SYN2: variants seen among roughly 807,000 people sequenced by gnomAD.
SYN2 encodes synapsin-2.
A neutral mutation model predicts 50.9 loss-of-function variants in SYN2; 19 were observed. The observed-to-expected ratio is 0.37, with a 90% CI of 0.26 to 0.55. SYN2 has a LOEUF of 0.55. SYN2 is among the 20% of genes least tolerant of loss of function. SYN2 has a pLI of 0.81. For missense variants in SYN2, 587 were observed against 576.4 expected (o/e 1.02, Z -0.19); for synonymous variants, 255 against 224.9 (o/e 1.13, Z -1.20).
chr3:12,027,842 G>C (rs1694294091), intron 1 of SYN2, among the ~76,000 whole-genome samples: 1 of 152,026 alleles, frequency 6.6e-6, no homozygotes, highest in Non-Finnish European at 1.5e-5. Context: ...AAAAAGTTTA[G>C]AGGGAGGACC....
intron 1 of SYN2, among the ~76,000 whole-genome samples, chr3:12,140,104 G>A (rs1171784367): frequency 6.6e-6 from 1 of 152,100 alleles, no homozygotes; most frequent in African/African-American, 2.4e-5. Flanking sequence ...TTCTATTTTG[G>A]TCTAATTAAT....
At chr3:12,171,352 C>T (rs1697931323) in intron 10 of SYN2, among the ~76,000 whole-genome samples, 1 of 152,092 alleles carries the variant, frequency 6.6e-6, no homozygotes, top group African/African-American at 2.4e-5. Context: ...CCTAGTTCTG[C>T]CTTTTAGTCC....
chr3:12,151,283 T>A lies in SYN2; in HGVS notation c.731T>A (p.Phe244Tyr). The change falls in exon 5 of 13, where the codon TTC becomes TAC. Residue 244 changes from phenylalanine to tyrosine, a missense_variant. Phe to Tyr is a conservative substitution (Grantham distance 22). Coordinates refer to ENST00000621198, the MANE Select transcript of SYN2 (RefSeq NM_133625.6). The part of the protein sequence containing the change: ...AIYKTLGGEK[F>Y]PLIEQTYYPN... ...TATAAGACACTGGGAGGAGAAAAGTTCCCTCTCATTGAACAGACATACTAC... is the reference window on the plus strand; with the variant it reads ...TATAAGACACTGGGAGGAGAAAAGTACCCTCTCATTGAACAGACATACTAC... 6.2e-7 allele frequency: 1 copy of A among 1,613,560 alleles called. No homozygotes were observed. Among genetic ancestry groups the A allele is most frequent in the East Asian group, 2.2e-5 (1 of 44,886 alleles).
intron 1 of SYN2, among the ~76,000 whole-genome samples, chr3:12,097,829 G>A (rs1185352942): frequency 6.6e-6 from 1 of 151,988 alleles, no homozygotes; most frequent in Non-Finnish European, 1.5e-5. Context: ...ACAGAGTGGG[G>A]AACATCACAC....
At chr3:12,113,532 G>C (rs1353291726) in intron 1 of SYN2, among the ~76,000 whole-genome samples, 1 of 152,140 alleles carries the variant, frequency 6.6e-6, no homozygotes, top group Non-Finnish European at 1.5e-5. Context: ...TGCATTCACA[G>C]TGTTGTACAA....
intron 1 of SYN2, among the ~76,000 whole-genome samples, chr3:12,059,527 T>C (rs1453131995): frequency 3.3e-5 from 5 of 152,048 alleles, no homozygotes; most frequent in African/African-American, 9.7e-5. Context: ...GAATTCAGTC[T>C]TCATTGCCCT....
At chr3:12,092,094 T>G (rs1695842366) in intron 1 of SYN2, among the ~76,000 whole-genome samples, 1 of 150,066 alleles carries the variant, frequency 6.7e-6, no homozygotes, top group South Asian at 2.1e-4. Context: ...AAAGTGTGTT[T>G]TTCACCCAAA....
At chr3:12,154,492 T>A in intron 5 of SYN2, 2 of 1,607,648 alleles carry the variant, frequency 1.2e-6, no homozygotes, top group Non-Finnish European at 1.7e-6. Flanking sequence ...TCAGGATTCT[T>A]CTCCTGGAGC....
At chr3:12,131,262 G>A (rs1352811793) in intron 1 of SYN2, among the ~76,000 whole-genome samples, 1 of 152,184 alleles carries the variant, frequency 6.6e-6, no homozygotes, top group Non-Finnish European at 1.5e-5. Flanking sequence ...AAACAGAAGG[G>A]TGAGACCAAA....
In SYN2 at chr3:12,167,318, G is replaced by A. The variant is rs934196249; in HGVS notation, c.1055+10G>A. On this transcript the variant is annotated intron_variant, in intron 8 of 12. Coordinates refer to ENST00000621198, the MANE Select transcript of SYN2 (RefSeq NM_133625.6). ...TTGCCATGTCAGACAGGTGAGTTGAGAGAAGGAGTCCAGTTTCCAGCCCAG... is the reference window on the plus strand; with the variant it reads ...TTGCCATGTCAGACAGGTGAGTTGAAAGAAGGAGTCCAGTTTCCAGCCCAG... 8 of 1,609,398 alleles carry A rather than the reference G, an allele frequency of 5.0e-6. No homozygotes were observed. In the African/African-American group the frequency reaches 1.1e-4, roughly 21 times the overall value.
intron 1 of SYN2, among the ~76,000 whole-genome samples, chr3:12,059,850 A>C (rs1457477060): frequency 1.3e-5 from 2 of 152,100 alleles, no homozygotes; most frequent in African/African-American, 4.8e-5. Context: ...TCAATTCCTC[A>C]AGACACCAAT....
In SYN2 at chr3:12,133,914, A is replaced by G. The variant is rs1013205884; in HGVS notation, c.378-6737A>G. On this transcript the variant is annotated intron_variant, in intron 1 of 12. Transcript: ENST00000621198. ...CTAGAATATTGGCAAATTAATACAG[A>G]TGAAGTAGATTAGAGATTACCTGGG... Among the ~76,000 whole-genome samples the G allele has an allele frequency of 9.9e-5, 15 of 152,208 alleles. 2 individuals are homozygous for G. The South Asian group carries it at 3.1e-3, about 31-fold the overall frequency.
chr3:12,100,388 A>T, intron 1 of SYN2, among the ~76,000 whole-genome samples: 1 of 152,226 alleles, frequency 6.6e-6, no homozygotes, highest in African/African-American at 2.4e-5. Flanking sequence ...TCGATGAAGG[A>T]ACAAGAGTCA....
At chr3:12,166,778 TG>T (rs1697809085) in intron 7 of SYN2, among the ~76,000 whole-genome samples, 1 of 152,234 alleles carries the variant, frequency 6.6e-6, no homozygotes, top group African/African-American at 2.4e-5. Context: ...TCAGTTTGTA[TG>T]TATCAAGTCA....
rs963074533 is a variant in SYN2 at position 12,056,169 on chromosome 3, GT to G, written c.377+51254del. Among the ~76,000 whole-genome samples the G allele has an allele frequency of 4.8e-3, 693 of 143,332 alleles. 4 individuals carry two copies. Among genetic ancestry groups the G allele is most frequent in the Middle Eastern group, 0.018 (5 of 280 alleles). The allele number at this position is 143,332 out of a possible 152,430, so 94.0% of individuals were successfully genotyped here. On this transcript the variant is annotated intron_variant, in intron 1 of 12. Transcript: ENST00000621198. Reference sequence around the variant, plus strand: ...GATTTGGAAGACAAAGTTGTGTTTTGTTTTTTTTTTTTTAAATAGGCAACTG... The same window carrying G: ...GATTTGGAAGACAAAGTTGTGTTTTGTTTTTTTTTTTTAAATAGGCAACTG...
chr3:12,155,993 G>A (rs1697445481), intron 5 of SYN2, among the ~76,000 whole-genome samples: 1 of 152,166 alleles, frequency 6.6e-6, no homozygotes, highest in African/African-American at 2.4e-5. Context: ...GTAGCCTCCA[G>A]TGCCTATGAC....
intron 5 of SYN2, among the ~76,000 whole-genome samples, chr3:12,158,439 T>G (rs939243632): frequency 1.8e-4 from 27 of 152,252 alleles, no homozygotes; most frequent in African/African-American, 6.5e-4. Context: ...GTAATGACAC[T>G]CCATAATTGC....
At chr3:12,040,985 C>A (rs1257875015) in intron 1 of SYN2, among the ~76,000 whole-genome samples, 1 of 152,140 alleles carries the variant, frequency 6.6e-6, no homozygotes, top group East Asian at 1.9e-4. Context: ...AGCTTTGAAA[C>A]AGATTTTGTT....
At chr3:12,049,373 C>T (rs1694807290) in intron 1 of SYN2, among the ~76,000 whole-genome samples, 2 of 151,908 alleles carry the variant, frequency 1.3e-5, no homozygotes, top group Non-Finnish European at 2.9e-5. Context: ...CAAAAATTAG[C>T]CTGGTGTGGT....
Sources: gnomAD v4.1 joint callset for allele counts (sites outside exome capture counted in the v4.1 genomes callset) on GRCh38, gnomAD v4.1.1 for gene constraint, MANE v1.5 for transcripts, NCBI Gene and HGNC (gene_info 2026-07-23, HGNC 2026-07-21) for gene names.